Variants in ANO2 observed in about 807,000 individuals in gnomAD.
ANO2 encodes the protein anoctamin-2.
Under a neutral mutation model 124.2 loss-of-function variants are expected in ANO2, and 101 were observed. That is an observed-to-expected ratio of 0.81 (90% CI 0.69 to 0.96). The LOEUF (loss-of-function observed/expected upper bound fraction) is 0.96. Ranked by LOEUF, ANO2 falls within the 40% of genes least tolerant of loss-of-function variation. The pLI is 0.00. For synonymous variants in ANO2, 486 were observed against 482.5 expected (o/e 1.01, Z -0.09); for missense variants, 1,293 against 1,274.5 (o/e 1.01, Z -0.22).
chr12:5,782,781 A>G (rs1952438335), intron 10 of ANO2, among the ~76,000 whole-genome samples: 1 of 152,210 alleles, frequency 6.6e-6, no homozygotes, highest in Non-Finnish European at 1.5e-5. Context: ...GATTGGCTAT[A>G]AGGCAACAGG....
rs997285978 is a variant in ANO2 at position 5,718,485 on chromosome 12, A to C, written c.1545+14035T>G. ...ACCCAACGTCCATAGAAATTCCTGG[A>C]GTCTGCTTTGGAGATGACAAAGCCA... On this transcript the variant is annotated intron_variant, in intron 14 of 24. Transcript: ENST00000682330. Among the ~76,000 whole-genome samples, 4 of 152,354 alleles carry C rather than the reference A, an allele frequency of 2.6e-5. No homozygotes were observed. In the South Asian group the frequency reaches 6.2e-4, roughly 24 times the overall value.
At chr12:5,704,668 T>C (rs1227769311) in intron 14 of ANO2, among the ~76,000 whole-genome samples, 1 of 151,532 alleles carries the variant, frequency 6.6e-6, no homozygotes, top group South Asian at 2.1e-4. Flanking sequence ...CGTGAGCTTC[T>C]TTAGCAAGAG....
At chr12:5,940,909 G>T (rs1200868176) in intron 1 of ANO2, among the ~76,000 whole-genome samples, 1 of 152,138 alleles carries the variant, frequency 6.6e-6, no homozygotes, top group African/African-American at 2.4e-5. Flanking sequence ...CAAGGAAATA[G>T]ATTTCAGCTA....
intron 3 of ANO2, among the ~76,000 whole-genome samples, chr12:5,910,689 C>T (rs1940996391): frequency 6.6e-6 from 1 of 152,102 alleles, no homozygotes. Flanking sequence ...TGTCATATGG[C>T]CCCAGGAGTC....
At chr12:5,838,547 T>C (rs907643705) in intron 4 of ANO2, among the ~76,000 whole-genome samples, 17 of 152,272 alleles carry the variant, frequency 1.1e-4, no homozygotes, top group African/African-American at 3.9e-4. Flanking sequence ...AGGGACCTGC[T>C]TCCTGTCTCC....
intron 3 of ANO2, among the ~76,000 whole-genome samples, chr12:5,903,071 G>C (rs2136284238): frequency 6.6e-6 from 1 of 151,842 alleles, no homozygotes; most frequent in African/African-American, 2.4e-5. Flanking sequence ...ACTCTAGAAA[G>C]AAGGAAGGAC....
intron 9 of ANO2, among the ~76,000 whole-genome samples, chr12:5,800,586 G>C (rs538900178): frequency 6.6e-6 from 1 of 151,920 alleles, no homozygotes; most frequent in Admixed American, 6.6e-5. Flanking sequence ...GATTTTAAAG[G>C]TAAAGCCTGT....
rs1026834949 is a variant in ANO2, at chr12:5,862,474, CCA to C, written c.535-8335_535-8334del. Among the ~76,000 whole-genome samples, 4 of 152,200 alleles carry C rather than the reference CCA, an allele frequency of 2.6e-5. No homozygotes were observed. Among genetic ancestry groups the C allele is most frequent in the African/African-American group, 4.8e-5 (2 of 41,444 alleles). ...GAACGGGTGATCTCTGGACCTATCA[CCA>C]CAGTCTCCACTCCGTGTATCACACA... On this transcript the variant is annotated intron_variant, in intron 3 of 24. Transcript: ENST00000682330. The surrounding 1 kb of genome is among the most constrained non-coding windows in gnomAD (Gnocchi z 4.0).
chr12:5,820,113 C>A (rs1370975865), intron 7 of ANO2, among the ~76,000 whole-genome samples: 8 of 152,164 alleles, frequency 5.3e-5, no homozygotes, highest in African/African-American at 1.9e-4. Flanking sequence ...AATTTCCGGA[C>A]TTGAGCCAGT....
chr12:5,644,650 T>C (rs1946541252), intron 15 of ANO2, among the ~76,000 whole-genome samples: 1 of 152,222 alleles, frequency 6.6e-6, no homozygotes, highest in Admixed American at 6.5e-5. Flanking sequence ...CTCACATATT[T>C]ACCACTTTAA....
chr12:5,779,021 A>G (rs1477560556), intron 10 of ANO2, among the ~76,000 whole-genome samples: 1 of 152,242 alleles, frequency 6.6e-6, no homozygotes, highest in Non-Finnish European at 1.5e-5. Context: ...AAAGGAAGGA[A>G]AGCCCAACCC....
intron 14 of ANO2, among the ~76,000 whole-genome samples, chr12:5,650,442 A>G (rs1946863751): frequency 6.6e-6 from 1 of 152,116 alleles, no homozygotes; most frequent in Non-Finnish European, 1.5e-5. Flanking sequence ...CACAGCTCCC[A>G]ACACACACAC....
intron 14 of ANO2, among the ~76,000 whole-genome samples, chr12:5,697,836 G>T (rs61908145): frequency 1.3e-5 from 2 of 152,150 alleles, no homozygotes; most frequent in South Asian, 4.1e-4. Context: ...AGGGTCCCAC[G>T]CCCATGGAGC....
At chr12:5,849,199 G>T (rs1954788224) in intron 4 of ANO2, among the ~76,000 whole-genome samples, 1 of 152,174 alleles carries the variant, frequency 6.6e-6, no homozygotes, top group Non-Finnish European at 1.5e-5. Flanking sequence ...GGACAAAAGG[G>T]ATTTTTCACC....
chr12:5,850,864 A>G (rs2137248863), intron 4 of ANO2, among the ~76,000 whole-genome samples: 1 of 152,334 alleles, frequency 6.6e-6, no homozygotes, highest in Admixed American at 6.5e-5. Context: ...AAAATATCTC[A>G]GAAAGCAGAC....
intron 15 of ANO2, among the ~76,000 whole-genome samples, chr12:5,640,830 T>C (rs1347067625): frequency 1.3e-5 from 2 of 152,148 alleles, no homozygotes; most frequent in Non-Finnish European, 1.5e-5. Flanking sequence ...TCCTCAAGGA[T>C]CTAGAACTAG....
At chr12:5,893,238 A>G (rs767761559) in intron 3 of ANO2, among the ~76,000 whole-genome samples, 1 of 152,170 alleles carries the variant, frequency 6.6e-6, no homozygotes, top group Non-Finnish European at 1.5e-5. Context: ...AAATAAATAA[A>G]TGGGACCTAA....
intron 3 of ANO2, among the ~76,000 whole-genome samples, chr12:5,879,878 A>G (rs1446883645): frequency 6.6e-6 from 1 of 152,194 alleles, no homozygotes; most frequent in Non-Finnish European, 1.5e-5. Context: ...GAAGCCATTG[A>G]AAGATTTTAA....
At chr12:5,642,171 A>G (rs992820758) in intron 15 of ANO2, among the ~76,000 whole-genome samples, 30 of 151,852 alleles carry the variant, frequency 2.0e-4, no homozygotes, top group African/African-American at 7.0e-4. Flanking sequence ...TCCCTTTTCA[A>G]TTCTCTTTTC....
Sources: allele counts gnomAD v4.1 joint callset (sites outside exome capture counted in the v4.1 genomes callset), GRCh38; gene constraint gnomAD v4.1.1; non-coding constraint Gnocchi (gnomAD v3.1); transcripts MANE v1.5; gene names NCBI Gene and HGNC (gene_info 2026-07-23, HGNC 2026-07-21).